SZRD1: variants seen among roughly 807,000 people sequenced by gnomAD.
The protein encoded by SZRD1 is SUZ RNA-binding domain-containing.
A neutral mutation model predicts 17.6 loss-of-function variants in SZRD1; 7 were observed. That is an observed-to-expected ratio of 0.40 (90% CI 0.23 to 0.75). The LOEUF is 0.75. Among genes scored for constraint, SZRD1 ranks in the 30% least tolerant of loss-of-function variants. The pLI, the probability that SZRD1 is intolerant of heterozygous loss-of-function variation, is 0.38. For missense variants in SZRD1, 178 were observed against 201.8 expected (o/e 0.88, Z 0.71); for synonymous variants, 77 against 77.9 (o/e 0.99, Z 0.06).
At chr1:16,368,895 T>G (rs777792595) in intron 1 of SZRD1, among the ~76,000 whole-genome samples, 3 of 152,176 alleles carry the variant, frequency 2.0e-5, no homozygotes, top group Non-Finnish European at 2.9e-5. Context: ...AAATCCCTCA[T>G]GTTAGAGAAG....
intron 1 of SZRD1, among the ~76,000 whole-genome samples, chr1:16,389,469 A>T (rs1570040867): frequency 7.0e-6 from 1 of 143,454 alleles, no homozygotes. Flanking sequence ...CGCCTGGCTA[A>T]TTTTTTTTTT....
Position 16,394,910 on chromosome 1 carries a change from G to C in SZRD1, c.357-128G>C. ...GTGGGGGTTGCAGTGAGCGGAGATC[G>C]TGCCACTGCACTCCAATCTAGGTGA... is the stretch of plus-strand genomic sequence containing the variant. On this transcript the variant is annotated intron_variant, in intron 3 of 3. Coordinates refer to ENST00000401088, the MANE Select transcript of SZRD1 (RefSeq NM_001114600.3). 9.5e-6 allele frequency: 6 copies of C among 632,632 alleles called. No homozygotes were observed. The South Asian group carries it at 1.2e-4, about 13-fold the overall frequency. 39.2% of individuals were successfully genotyped at this position (632,632 alleles called of 1,614,324 possible). A position where few individuals can be genotyped will look rare whatever the true frequency, so the allele number is the denominator to read the frequency against.
intron 3 of SZRD1, among the ~76,000 whole-genome samples, chr1:16,394,747 G>C (rs1319899194): frequency 6.6e-6 from 1 of 152,152 alleles, no homozygotes. Context: ...TTGAGGTCAG[G>C]AGTTCAAGAC....
intron 1 of SZRD1, among the ~76,000 whole-genome samples, chr1:16,390,261 C>T (rs1387215548): frequency 6.6e-6 from 1 of 152,214 alleles, no homozygotes; most frequent in Non-Finnish European, 1.5e-5. Context: ...CCTCTCCCCA[C>T]ACCCCTGTCC....
Position 16,393,603 on chromosome 1 carries a change from G to A in SZRD1, c.356+121G>A. ...GCAGAGTCAGGGTAGGAACCATGCA[G>A]CTCCACTTGCTGATCCCAGCCTGCT... On this transcript the variant is annotated intron_variant, in intron 3 of 3. Transcript: ENST00000401088. The surrounding 1 kb of genome is among the most constrained non-coding windows in gnomAD (Gnocchi z 5.6). 9.1e-7 allele frequency: 1 copy of A among 1,095,080 alleles called. No individual in the cohort carries two copies. The highest frequency in any genetic ancestry group is 1.3e-6 in the Non-Finnish European group (1 of 776,442). The allele number at this position is 1,095,080 out of a possible 1,614,324, so 67.8% of individuals were successfully genotyped here.
At chr1:16,388,739 G>A (rs958026278) in intron 1 of SZRD1, among the ~76,000 whole-genome samples, 22 of 135,952 alleles carry the variant, frequency 1.6e-4, no homozygotes, top group Admixed American at 1.5e-3. Context: ...AGGCTGGAGT[G>A]CAGTGGTGTG....
intron 1 of SZRD1, among the ~76,000 whole-genome samples, chr1:16,375,362 C>G (rs2082983790): frequency 6.6e-6 from 1 of 151,900 alleles, no homozygotes; most frequent in South Asian, 2.1e-4. Context: ...GTCACCCAGG[C>G]TAGAGTGCAG....
Position 16,395,042 on chromosome 1 carries a change from A to G in SZRD1, c.361A>G (p.Thr121Ala), listed in dbSNP as rs761924368. 1 of 1,607,392 alleles carries G rather than the reference A, an allele frequency of 6.2e-7. No individual in the cohort carries two copies. Among genetic ancestry groups the G allele is most frequent in the East Asian group, 2.2e-5 (1 of 44,806 alleles). ...EQEKPILDRP[T>A]RISQPEDSRQ... Reference sequence around the variant, plus strand: ...CTCTGCTTTTCTTCCTTTCAGGCCAACCAGGATCTCCCAACCCGAAGACAG... The same window carrying G: ...CTCTGCTTTTCTTCCTTTCAGGCCAGCCAGGATCTCCCAACCCGAAGACAG... Residue 121 changes from threonine (T) to alanine (A), a missense_variant, in exon 4 of 4, where the codon ACC (threonine) becomes GCC (alanine). Physicochemically the swap from Thr to Ala is moderately conservative, Grantham distance 58 (BLOSUM62 0). This residue lies in a region of SZRD1 where 57 missense variants were observed against 71.9 expected (regional missense o/e 0.79). Transcript: ENST00000401088.
At chr1:16,369,302 G>T (rs1411213221) in intron 1 of SZRD1, 2 of 679,124 alleles carry the variant, frequency 2.9e-6, no homozygotes, top group Non-Finnish European at 5.3e-6. Context: ...TTGGAGAAAG[G>T]CACCTCGGAT....
rs2085325390 is a variant in SZRD1 at position 16,397,115 on chromosome 1, T to C, written c.*1975T>C. ...GTCCAGGTGGGAACGCCAGAAGTGC[T>C]GATTGCCCAGCCATTGGGACCACCT... On this transcript the variant is annotated 3_prime_UTR_variant, in exon 4 of 4. Coordinates refer to ENST00000401088, the MANE Select transcript of SZRD1 (RefSeq NM_001114600.3). This position sits in a 1 kb window ranked among gnomAD's most constrained non-coding sequence, Gnocchi z 5.4. 6.6e-6 allele frequency: 1 copy of C among 152,392 alleles called. No homozygotes were observed. Among genetic ancestry groups the C allele is most frequent in the South Asian group, 2.1e-4 (1 of 4,830 alleles). 9.4% of individuals were successfully genotyped at this position (152,392 alleles called of 1,614,324 possible).
intron 1 of SZRD1, among the ~76,000 whole-genome samples, chr1:16,379,924 C>A (rs968975533): frequency 4.6e-5 from 7 of 152,046 alleles, no homozygotes; most frequent in African/African-American, 1.7e-4. Context: ...CCACACCCCG[C>A]TAATTTTTTG....
In SZRD1 at chr1:16,393,772, T is replaced by C. The variant is rs1365554350; in HGVS notation, c.356+290T>C. The stretch of plus-strand genomic sequence containing the variant: ...GTAGAGAGTGAAGGCACAGATGAGC[T>C]TGTGTCAAAATCTGCCTCTTACCTC... On this transcript the variant is annotated intron_variant, in intron 3 of 3. Transcript: ENST00000401088. The surrounding 1 kb of genome is among the most constrained non-coding windows in gnomAD (Gnocchi z 5.6). Among the ~76,000 whole-genome samples the C allele has an allele frequency of 6.6e-6, 1 of 152,178 alleles. No homozygotes were observed. Among genetic ancestry groups the C allele is most frequent in the Non-Finnish European group, 1.5e-5 (1 of 68,028 alleles).
Position 16,393,139 on chromosome 1 carries a change from AG to A in SZRD1, c.102-87del. On this transcript the variant is annotated intron_variant, in intron 2 of 3. Transcript: ENST00000401088. This position sits in a 1 kb window ranked among gnomAD's most constrained non-coding sequence, Gnocchi z 5.6. ...TGCATGGGTAGAATTAGGGAGGGAG[AG>A]GAAAGTGATGAGAGGTGGGTGTGGG... 6.6e-7 allele frequency: 1 copy of A among 1,504,532 alleles called. No homozygotes were observed. Among genetic ancestry groups the A allele is most frequent in the South Asian group, 1.2e-5 (1 of 81,174 alleles). The allele number at this position is 1,504,532 out of a possible 1,614,324, so 93.2% of individuals were successfully genotyped here.
intron 1 of SZRD1, among the ~76,000 whole-genome samples, chr1:16,380,546 A>G (rs1474014749): frequency 2.0e-5 from 3 of 151,372 alleles, no homozygotes; most frequent in African/African-American, 7.3e-5. Context: ...GCGGTTCACC[A>G]CAGCCTCCAC....
intron 1 of SZRD1, among the ~76,000 whole-genome samples, chr1:16,380,070 C>T (rs535395258): frequency 6.6e-6 from 1 of 152,266 alleles, no homozygotes; most frequent in East Asian, 1.9e-4. Context: ...TTACTTTCTA[C>T]TGGGGAAAGA....
At chr1:16,368,598 A>C (rs976427785) in intron 1 of SZRD1, among the ~76,000 whole-genome samples, 2 of 152,216 alleles carry the variant, frequency 1.3e-5, no homozygotes, top group African/African-American at 4.8e-5. Flanking sequence ...TTGGCTTAAG[A>C]AAGTTAAAGA....
At chr1:16,387,440 A>G (rs925393445) in intron 1 of SZRD1, 2 of 449,496 alleles carry the variant, frequency 4.4e-6, no homozygotes, top group Non-Finnish European at 9.0e-6. Context: ...AAGTTCACAT[A>G]GTGAAGTTGG....
intron 1 of SZRD1, among the ~76,000 whole-genome samples, chr1:16,371,008 C>T (rs1325727105): frequency 6.6e-6 from 1 of 152,160 alleles, no homozygotes; most frequent in African/African-American, 2.4e-5. Flanking sequence ...AAAGTCTTGG[C>T]TTCAGGTTAT....
chr1:16,388,618 A>T (rs944471966), intron 1 of SZRD1, among the ~76,000 whole-genome samples: 9 of 151,818 alleles, frequency 5.9e-5, no homozygotes, highest in African/African-American at 9.7e-5. Context: ...ACAATACATT[A>T]TAAGGCAAAA....
Sources: gnomAD v4.1 joint callset for allele counts (sites outside exome capture counted in the v4.1 genomes callset) on GRCh38, gnomAD v4.1.1 for gene constraint, gnomAD v4.1.1 regional missense constraint, Gnocchi (gnomAD v3.1) non-coding constraint, MANE v1.5 for transcripts, NCBI Gene and HGNC (gene_info 2026-07-23, HGNC 2026-07-21) for gene names.